Variants in HFM1 observed in about 807,000 individuals in gnomAD.
HFM1 encodes helicase for meiosis 1.
Under a neutral mutation model 192.1 loss-of-function variants are expected in HFM1, and 169 were observed. The ratio of observed to expected loss-of-function variants is 0.88; its 90% CI spans 0.78 to 1.00. The LOEUF is 1.00. Ranked by LOEUF, HFM1 falls within the 50% of genes least tolerant of loss-of-function variation. The pLI is 0.00. For missense variants in HFM1, 1,661 were observed against 1,668.0 expected, an observed-to-expected ratio of 1.00 and a Z score of 0.07; for synonymous variants, 525 against 537.8, an observed-to-expected ratio of 0.98 and a Z score of 0.33.
intron 33 of HFM1, among the ~76,000 whole-genome samples, chr1:91,274,254 A>G (rs767198148): frequency 1.3e-5 from 2 of 151,878 alleles, no homozygotes; most frequent in Non-Finnish European, 2.9e-5. Context: ...TTTTCCATCT[A>G]TACAATGGGA....
Position 91,353,089 on chromosome 1 carries a change from A to G in HFM1, c.1793T>C (p.Val598Ala), listed in dbSNP as rs1657174532. 4 of 1,610,286 alleles carry G rather than the reference A, an allele frequency of 2.5e-6. No homozygotes were observed. Among genetic ancestry groups the G allele is most frequent in the Middle Eastern group, 1.6e-4 (1 of 6,072 alleles). The stretch of plus-strand genomic sequence containing the variant: ...ATCTCCAACAGTAAAAGCTCCCTCA[A>G]CTACTTTTCTATCTGACAGCTCCAT... ...AGMELSDRKV[V>A]EGAFTVGDLP... Residue 598 changes from valine to alanine, a missense_variant, in exon 15 of 39, where the codon GTT (valine) becomes GCT (alanine). Coordinates refer to ENST00000370425, the MANE Select transcript of HFM1 (RefSeq NM_001017975.6).
At chr1:91,365,598 G>C (rs1319366449) in intron 13 of HFM1, among the ~76,000 whole-genome samples, 1 of 152,026 alleles carries the variant, frequency 6.6e-6, no homozygotes, top group African/African-American at 2.4e-5. Context: ...AAGTTGGTAG[G>C]CTTGGTTCTT....
chr1:91,352,480 T>C, intron 16 of HFM1, 26 bp downstream of exon 16: 2 of 1,524,146 alleles, frequency 1.3e-6, no homozygotes, highest in Non-Finnish European at 1.8e-6. Flanking sequence ...TTTTTAAGTA[T>C]AAAAAGCAAA....
intron 9 of HFM1, 74 bp from the exon 10 acceptor site, chr1:91,378,554 A>C: frequency 4.6e-6 from 4 of 878,722 alleles, no homozygotes; most frequent in Non-Finnish European, 5.4e-6. Flanking sequence ...TATCAAAAAC[A>C]TTTTTAACAT....
At position 91,394,339 on chromosome 1, in the gene HFM1, T is replaced by C; in HGVS notation, c.248A>G (p.Tyr83Cys). 6.3e-7 allele frequency: 1 copy of C among 1,580,356 alleles called. No individual in the cohort carries two copies. Among genetic ancestry groups the C allele is most frequent in the Non-Finnish European group, 8.7e-7 (1 of 1,150,710 alleles). ...NLKITNEDTN[Y>C]ISLTQKFQFA... ...CTGGAATTTTTGTGTTAGTGAAATA[T>C]AATTTGTATCTTCATTAGTTATCTT... The change falls in exon 4 of 39, where the codon TAT becomes TGT. Residue 83 changes from tyrosine to cysteine, a missense_variant. Coordinates refer to ENST00000370425, the MANE Select transcript of HFM1 (RefSeq NM_001017975.6).
intron 13 of HFM1, among the ~76,000 whole-genome samples, chr1:91,373,430 C>T (rs1423755850): frequency 6.6e-6 from 1 of 152,082 alleles, no homozygotes. Flanking sequence ...AGTTAATGTT[C>T]ATTACATAGT....
At chr1:91,369,265 G>T (rs1296760541) in intron 13 of HFM1, among the ~76,000 whole-genome samples, 1 of 152,098 alleles carries the variant, frequency 6.6e-6, no homozygotes, top group African/African-American at 2.4e-5. Flanking sequence ...GACATCTACA[G>T]AACTCTCCAC....
rs149205871 is a variant in HFM1 at position 91,326,330 on chromosome 1, C to T, written c.2336-1564G>A. Reference sequence around the variant, plus strand: ...TCACGGTATTTAATAATCAAACTCCCAAAGGTCAAGGATAAAGAAAGGATC... The same window carrying T: ...TCACGGTATTTAATAATCAAACTCCTAAAGGTCAAGGATAAAGAAAGGATC... On this transcript the variant is annotated intron_variant, in intron 20 of 38. Coordinates refer to ENST00000370425, the MANE Select transcript of HFM1 (RefSeq NM_001017975.6). Among the ~76,000 whole-genome samples, 217 of 152,070 alleles carry T rather than the reference C, an allele frequency of 1.4e-3. 3 individuals carry two copies. In the East Asian group the frequency reaches 0.022, roughly 16 times the overall value.
chr1:91,316,517 C>T (rs763078529), intron 25 of HFM1, 41 bp from the exon 26 acceptor site: 3 of 893,464 alleles, frequency 3.4e-6, no homozygotes, highest in African/African-American at 1.7e-5. Context: ...AAATAATGCA[C>T]TTTAAATAAA....
At position 91,314,707 on chromosome 1, in the gene HFM1, T is replaced by C. The variant is rs138704461; in HGVS notation, c.3141-647A>G. Among the ~76,000 whole-genome samples, 22 of 152,344 alleles carry C rather than the reference T, an allele frequency of 1.4e-4. No homozygotes were observed. The East Asian group carries it at 3.5e-3, about 24-fold the overall frequency. On this transcript the variant is annotated intron_variant, in intron 28 of 38. Coordinates refer to ENST00000370425, the MANE Select transcript of HFM1 (RefSeq NM_001017975.6). Reference sequence around the variant, plus strand: ...TACGTTATGAGAACAACTTCAATAGTATTTTTAAATTTATATAAAATGGTT... The same window carrying C: ...TACGTTATGAGAACAACTTCAATAGCATTTTTAAATTTATATAAAATGGTT...
intron 4 of HFM1, among the ~76,000 whole-genome samples, chr1:91,391,075 C>G (rs968427655): frequency 1.3e-5 from 2 of 150,548 alleles, no homozygotes; most frequent in African/African-American, 4.9e-5. Flanking sequence ...AGGAGAACTA[C>G]AAACCACTGC....
At chr1:91,265,732 T>C (rs1665702344) in intron 36 of HFM1, among the ~76,000 whole-genome samples, 1 of 152,192 alleles carries the variant, frequency 6.6e-6, no homozygotes. Context: ...AGTTTTCAAG[T>C]CTTGTTAAAA....
chr1:91,372,868 CT>C (rs918004760), intron 13 of HFM1, among the ~76,000 whole-genome samples: 106 of 152,228 alleles, frequency 7.0e-4, no homozygotes, highest in African/African-American at 2.5e-3. Context: ...CAGACTTCAT[CT>C]ACTTTTTGAC....
intron 30 of HFM1, among the ~76,000 whole-genome samples, chr1:91,292,499 T>C (rs1170550505): frequency 1.3e-5 from 2 of 151,258 alleles, no homozygotes; most frequent in East Asian, 3.9e-4. Flanking sequence ...TTACAAGGGA[T>C]GTGAAGGACC....
chr1:91,333,712 C>G (rs964518074), intron 20 of HFM1, among the ~76,000 whole-genome samples: 2 of 152,132 alleles, frequency 1.3e-5, no homozygotes, highest in African/African-American at 2.4e-5. Flanking sequence ...ACCAAAATAT[C>G]TCATGAACTC....
chr1:91,371,669 G>T (rs1266651331), intron 13 of HFM1, among the ~76,000 whole-genome samples: 4 of 141,036 alleles, frequency 2.8e-5, no homozygotes, highest in Non-Finnish European at 4.6e-5. Flanking sequence ...TACCATTCAG[G>T]ACATAGGCAT....
chr1:91,287,040 C>T (rs1313315566), intron 30 of HFM1, among the ~76,000 whole-genome samples: 1 of 152,112 alleles, frequency 6.6e-6, no homozygotes, highest in African/African-American at 2.4e-5. Context: ...ATTGCTAGCA[C>T]AGCAGTCTGA....
chr1:91,357,507 T>C (rs1657904971), intron 13 of HFM1, among the ~76,000 whole-genome samples: 2 of 152,042 alleles, frequency 1.3e-5, no homozygotes, highest in Non-Finnish European at 1.5e-5. Context: ...TCATAATCAA[T>C]GGGGAACAAC....
chr1:91,283,232 GA>G (rs989488021), intron 30 of HFM1, among the ~76,000 whole-genome samples: 1 of 151,740 alleles, frequency 6.6e-6, no homozygotes, highest in Admixed American at 6.6e-5. Flanking sequence ...AAGGTTCTCA[GA>G]AAAAAAATAA....
Sources: gnomAD v4.1 joint callset for allele counts (sites outside exome capture counted in the v4.1 genomes callset) on GRCh38, gnomAD v4.1.1 for gene constraint, MANE v1.5 for transcripts, NCBI Gene and HGNC (gene_info 2026-07-23, HGNC 2026-07-21) for gene names.